Variants in COG5 observed in about 807,000 individuals in gnomAD.
COG5 encodes the protein component of oligomeric golgi complex 5.
In COG5, 86 loss-of-function variants were observed where a neutral mutation model predicts 110.4. The ratio of observed to expected loss-of-function variants is 0.78; its 90% CI spans 0.65 to 0.93. The LOEUF (loss-of-function observed/expected upper bound fraction) is 0.93, where lower values mean the gene tolerates loss of function less well. COG5 is among the 40% of genes least tolerant of loss of function. The probability of loss-of-function intolerance (pLI) is 0.00; values close to 1 mark genes in which losing one functional copy is unlikely to be tolerated. For synonymous variants in COG5, 360 were observed against 334.6 expected, an observed-to-expected ratio of 1.08 and a Z score of -0.83; for missense variants, 1,077 against 987.0, an observed-to-expected ratio of 1.09 and a Z score of -1.22.
chr7:107,305,841 C>T (rs1002656321), intron 11 of COG5, among the ~76,000 whole-genome samples: 3 of 151,842 alleles, frequency 2.0e-5, no homozygotes, highest in Admixed American at 6.6e-5. Flanking sequence ...ATAGAGAGAC[C>T]GCCTGAGAGC....
chr7:107,352,172 A>G (rs1044329218), intron 10 of COG5, among the ~76,000 whole-genome samples: 6 of 150,176 alleles, frequency 4.0e-5, no homozygotes, highest in Admixed American at 4.0e-4. Flanking sequence ...ACATGGATGA[A>G]GCTGGAAACC....
intron 6 of COG5, among the ~76,000 whole-genome samples, chr7:107,520,451 G>A: frequency 6.6e-6 from 1 of 152,158 alleles, no homozygotes; most frequent in Non-Finnish European, 1.5e-5. Flanking sequence ...TGAAGTCTCA[G>A]GATACAAAAT....
In COG5 at chr7:107,362,852, T is replaced by C. The variant is rs190833059; in HGVS notation, c.836-432A>G. On this transcript the variant is annotated intron_variant, in intron 8 of 21. Coordinates refer to ENST00000297135, the MANE Select transcript of COG5 (RefSeq NM_006348.5). ...AACCCTAAAACTGAACATAAACACA[T>C]ACCGAAACAAATAAAACTAACTGTA... is the stretch of plus-strand genomic sequence containing the variant. 3.3e-3 allele frequency among the ~76,000 whole-genome samples: 496 copies of C among 150,692 alleles called. 3 individuals carry two copies. Among genetic ancestry groups the C allele is most frequent in the Middle Eastern group, 0.01 (3 of 286 alleles).
At chr7:107,553,932 T>G (rs908609145) in intron 3 of COG5, among the ~76,000 whole-genome samples, 2 of 152,232 alleles carry the variant, frequency 1.3e-5, no homozygotes, top group Non-Finnish European at 1.5e-5. Context: ...AGAACAATGC[T>G]GTGTTAGTAC....
intron 9 of COG5, 84 bp from the exon 10 acceptor site, chr7:107,362,194 T>A: frequency 7.6e-7 from 1 of 1,312,336 alleles, no homozygotes. Context: ...TATCATCAGC[T>A]AGTGGAGGTA....
intron 7 of COG5, among the ~76,000 whole-genome samples, chr7:107,406,074 CAGA>C (rs1389144742): frequency 6.6e-6 from 1 of 152,152 alleles, no homozygotes; most frequent in Non-Finnish European, 1.5e-5. Flanking sequence ...AAATTGTACT[CAGA>C]AGGTTACTTT....
At chr7:107,557,948 C>A (rs774709670) in intron 2 of COG5, 28 bp downstream of exon 2, 1 of 1,613,028 alleles carries the variant, frequency 6.2e-7, no homozygotes, top group East Asian at 2.2e-5. Context: ...GCTGAATAAT[C>A]CATAGGGACC....
intron 12 of COG5, among the ~76,000 whole-genome samples, chr7:107,295,081 ATATATATATATATATATATATTTTT>A (rs1806601335): frequency 1.6e-5 from 1 of 61,858 alleles, no homozygotes; most frequent in Non-Finnish European, 2.9e-5. Context: ...ATATATATAT[ATATATATATATATATATATATTTTT>A]TTTTTTTTTT....
At position 107,427,637 on chromosome 7, in the gene COG5, G is replaced by A. The variant is rs370722293; in HGVS notation, c.539-15005C>T. ...TCCTCCAGCTGGTGACGCCTCCACC[G>A]AAGCCTCGCTCAGCCCCAGGCCTGC... On this transcript the variant is annotated intron_variant, in intron 6 of 21. Transcript: ENST00000297135. Among the ~76,000 whole-genome samples the A allele has an allele frequency of 2.5e-3, 386 of 151,988 alleles. 4 individuals carry two copies. The highest frequency in any genetic ancestry group is 0.016 in the South Asian group (76 of 4,802).
intron 12 of COG5, among the ~76,000 whole-genome samples, chr7:107,292,629 C>T (rs959491800): frequency 4.6e-5 from 7 of 152,132 alleles, no homozygotes; most frequent in Admixed American, 2.0e-4. Flanking sequence ...TAACAGGACC[C>T]GTTTAGGATT....
At chr7:107,350,998 T>A (rs1812087295) in intron 10 of COG5, among the ~76,000 whole-genome samples, 1 of 152,238 alleles carries the variant, frequency 6.6e-6, no homozygotes, top group Non-Finnish European at 1.5e-5. Context: ...AATAGTACAT[T>A]AAAAATCATC....
chr7:107,283,429 C>T lies in COG5; in HGVS notation c.1475+142G>A. The T allele has an allele frequency of 1.3e-5, 9 of 671,930 alleles. 1 individual carries two copies. In the South Asian group the frequency reaches 1.8e-4, roughly 13 times the overall value. The allele number at this position is 671,930 out of a possible 1,614,324, so 41.6% of individuals were successfully genotyped here. ...CTCAAGTACTTACTATGTGTGCACTCATTTACTATAAAATTCTTAATTTAA... is the reference window on the plus strand; with the variant it reads ...CTCAAGTACTTACTATGTGTGCACTTATTTACTATAAAATTCTTAATTTAA... On this transcript the variant is annotated intron_variant, in intron 13 of 21. Transcript: ENST00000297135.
At chr7:107,547,415 T>C (rs1271045176) in intron 5 of COG5, among the ~76,000 whole-genome samples, 1 of 152,122 alleles carries the variant, frequency 6.6e-6, no homozygotes, top group Non-Finnish European at 1.5e-5. Flanking sequence ...ACTAACATCA[T>C]AATCAACAGT....
intron 6 of COG5, among the ~76,000 whole-genome samples, chr7:107,434,777 T>C (rs887213269): frequency 5.3e-5 from 8 of 152,222 alleles, no homozygotes; most frequent in African/African-American, 1.7e-4. Flanking sequence ...AAGACCATCC[T>C]GGCTAACACA....
intron 6 of COG5, among the ~76,000 whole-genome samples, chr7:107,499,651 G>A (rs1249290776): frequency 2.6e-5 from 4 of 151,984 alleles, no homozygotes; most frequent in African/African-American, 9.7e-5. Flanking sequence ...AAGAGATCAG[G>A]CTGCCTCAGA....
intron 5 of COG5, among the ~76,000 whole-genome samples, chr7:107,540,592 T>C (rs1007332242): frequency 6.3e-5 from 9 of 143,048 alleles, no homozygotes; most frequent in African/African-American, 1.8e-4. Flanking sequence ...AATAAATAAA[T>C]AAATAAAAAT....
At chr7:107,523,848 A>G (rs570032184) in intron 6 of COG5, among the ~76,000 whole-genome samples, 26 of 152,176 alleles carry the variant, frequency 1.7e-4, no homozygotes, top group Non-Finnish European at 3.2e-4. Context: ...TGTAAACATT[A>G]CAACAACTTT....
intron 7 of COG5, among the ~76,000 whole-genome samples, chr7:107,408,334 GCTGATTTC>G (rs1422010584): frequency 6.6e-6 from 1 of 152,196 alleles, no homozygotes; most frequent in Non-Finnish European, 1.5e-5. Context: ...CCTTAGATGA[GCTGATTTC>G]CAAGTTTTCC....
Position 107,325,442 on chromosome 7 carries a change from G to A in COG5, c.1027-921C>T, listed in dbSNP as rs1176795474. ...AAGGCGGATGGATTACCAGAGGTCA[G>A]GAGTTTGAGACCAGCCTTGCCAACA... is the stretch of plus-strand genomic sequence containing the variant. On this transcript the variant is annotated intron_variant, in intron 10 of 21. Transcript: ENST00000297135. Among the ~76,000 whole-genome samples, 3 of 152,178 alleles carry A rather than the reference G, an allele frequency of 2.0e-5. No individual in the cohort carries two copies. In the South Asian group the frequency reaches 6.2e-4, roughly 32 times the overall value.
Sources: gnomAD v4.1 joint callset for allele counts (sites outside exome capture counted in the v4.1 genomes callset) on GRCh38, gnomAD v4.1.1 for gene constraint, MANE v1.5 for transcripts, NCBI Gene and HGNC (gene_info 2026-07-23, HGNC 2026-07-21) for gene names.